ANAPC2: variants seen among roughly 807,000 people sequenced by gnomAD.
The protein encoded by ANAPC2 is anaphase-promoting complex subunit 2.
A neutral mutation model predicts 84.3 loss-of-function variants in ANAPC2; 29 were observed. That is an observed-to-expected ratio of 0.34 (90% confidence interval 0.26 to 0.47). ANAPC2 has a LOEUF of 0.47. ANAPC2 is among the 20% of genes least tolerant of loss of function. The probability of loss-of-function intolerance (pLI) is 1.00; values close to 1 mark genes in which losing one functional copy is unlikely to be tolerated. For synonymous variants in ANAPC2, 571 were observed against 479.4 expected, an observed-to-expected ratio of 1.19 and a Z score of -2.50; for missense variants, 857 against 1,131.7, an observed-to-expected ratio of 0.76 and a Z score of 3.48.
chr9:137,188,316 G>A, intron 1 of ANAPC2, 100 bp downstream of exon 1: 1 of 1,378,118 alleles, frequency 7.3e-7, no homozygotes, highest in African/African-American at 1.4e-5. Context: ...GACAGAGGCG[G>A]ATGATGGACA....
rs553077847 is a variant in ANAPC2, at chr9:137,183,115, C to T, written c.1286+10G>A. 93 of 1,606,904 alleles carry T rather than the reference C, an allele frequency of 5.8e-5. No homozygotes were observed. In the South Asian group the frequency reaches 1.0e-3, roughly 17 times the overall value. On this transcript the variant is annotated intron_variant, in intron 6 of 12. Transcript: ENST00000323927. ...GTCCCAGTGGCTCCTGGGCCAGCTG[C>T]AGCCCTCACCTCAGGTAGCGGCGGA...
intron 2 of ANAPC2, chr9:137,186,825 AG>A (rs1307512940): frequency 6.0e-6 from 1 of 167,458 alleles, no homozygotes; most frequent in Non-Finnish European, 1.3e-5. Flanking sequence ...TAACTTTTGC[AG>A]GGATGAGCCC....
At chr9:137,184,879 G>A (rs752486978) in intron 4 of ANAPC2, 34 bp downstream of exon 4, 39 of 1,605,012 alleles carry the variant, frequency 2.4e-5, no homozygotes, top group Middle Eastern at 1.7e-4. Context: ...CTCCCCAGAC[G>A]GGAGAGCGGA....
At chr9:137,187,324 C>T (rs984118220) in intron 2 of ANAPC2, 157 bp downstream of exon 2, 13 of 935,058 alleles carry the variant, frequency 1.4e-5, no homozygotes, top group African/African-American at 1.0e-4. Context: ...ACACCTGTGT[C>T]CAGGACACGC....
At chr9:137,183,877 G>A in intron 4 of ANAPC2, 86 bp from the exon 5 acceptor site, 2 of 1,549,700 alleles carry the variant, frequency 1.3e-6, no homozygotes, top group Admixed American at 1.8e-5. Flanking sequence ...GTGTGGGAAA[G>A]GACACGTGCT....
In ANAPC2 at chr9:137,188,158, G is replaced by A. The variant is rs190834278; in HGVS notation, c.118-55C>T. The A allele has an allele frequency of 1.2e-5, 19 of 1,566,586 alleles. 1 individual carries two copies. The highest frequency in any genetic ancestry group is 3.6e-4 in the Middle Eastern group (2 of 5,576). On this transcript the variant is annotated intron_variant, in intron 1 of 12. Coordinates refer to ENST00000323927, the MANE Select transcript of ANAPC2 (RefSeq NM_013366.4). Reference sequence around the variant, plus strand: ...GAACACAACATAGAGGTGGGGAGAGGCGGGGAAGGGAAGAAGCTGAGGGGG... The same window carrying A: ...GAACACAACATAGAGGTGGGGAGAGACGGGGAAGGGAAGAAGCTGAGGGGG...
chr9:137,186,316 C>A lies in ANAPC2; in HGVS notation c.781G>T (p.Val261Leu). Residue 261 changes from valine to leucine, a missense_variant, in exon 3 of 13, where the codon GTG becomes TTG. By Grantham distance (32) the Val-to-Leu change is conservative (BLOSUM62 1). Around this residue, in one of 3 missense-constraint regions of ANAPC2, gnomAD observed 428 missense variants for 513.8 expected, o/e 0.83. Coordinates refer to ENST00000323927, the MANE Select transcript of ANAPC2 (RefSeq NM_013366.4). ...SLLERVSAEAVTTTLHQVTRE... is the reference protein window; with the variant it reads ...SLLERVSAEALTTTLHQVTRE... ...GTCACCTGGTGCAGGGTGGTGGTCA[C>A]AGCCTCGGCACTGACCCGCTCCAGC... 1 of 1,611,186 alleles carries A rather than the reference C, an allele frequency of 6.2e-7. No individual in the cohort carries two copies. Among genetic ancestry groups the A allele is most frequent in the Non-Finnish European group, 8.5e-7 (1 of 1,179,604 alleles).
At chr9:137,183,616 G>A in intron 5 of ANAPC2, 56 bp downstream of exon 5, 1 of 1,572,554 alleles carries the variant, frequency 6.4e-7, no homozygotes, top group East Asian at 2.3e-5. Flanking sequence ...CTGGACATGG[G>A]TCCCCTGGTG....
intron 4 of ANAPC2, 125 bp downstream of exon 4, chr9:137,184,788 G>T: frequency 1.6e-6 from 2 of 1,258,412 alleles, no homozygotes; most frequent in Admixed American, 2.8e-5. Context: ...AGCCCCAGAC[G>T]CAGACACAGA....
At chr9:137,184,778 A>T in intron 4 of ANAPC2, 135 bp downstream of exon 4, 1 of 1,149,948 alleles carries the variant, frequency 8.7e-7, no homozygotes, top group East Asian at 2.7e-5. Context: ...AGGCCCTGGG[A>T]GCCCCAGACG....
intron 10 of ANAPC2, 29 bp from the exon 11 acceptor site, chr9:137,175,866 G>C (rs776106739): frequency 5.4e-5 from 86 of 1,579,442 alleles, no homozygotes; most frequent in Non-Finnish European, 6.4e-5. Flanking sequence ...AGCACGGGCA[G>C]CTCGGCTGCA....
chr9:137,180,151 A>T, intron 10 of ANAPC2, 30 bp downstream of exon 10: 5 of 1,605,224 alleles, frequency 3.1e-6, no homozygotes, highest in Non-Finnish European at 4.3e-6. Context: ...GGGTGCCAAG[A>T]GCCCATGGGG....
At chr9:137,185,161 C>A in intron 3 of ANAPC2, 74 bp from the exon 4 acceptor site, 3 of 1,410,136 alleles carry the variant, frequency 2.1e-6, no homozygotes, top group South Asian at 1.6e-5. Context: ...CTGGGAGGAG[C>A]CTCACGGCCA....
rs755587372 is a variant in ANAPC2, at chr9:137,175,316, T to C, written c.2177A>G (p.Asn726Ser). ...IEEERPQDRDNMVLIDSDDES... is the reference protein window; with the variant it reads ...IEEERPQDRDSMVLIDSDDES... The stretch of plus-strand genomic sequence containing the variant: ...GTCGTCACTGTCAATGAGCACCATG[T>C]TGTCCCGGTCCTGAGGCCGCTCCTC... The change falls in exon 12 of 13, where the codon AAC becomes AGC. Residue 726 changes from asparagine to serine, a missense_variant. By Grantham distance (46) the Asn-to-Ser change is conservative. This residue lies in a region of ANAPC2 where 425 missense variants were observed against 595.5 expected (regional missense o/e 0.71). Coordinates refer to ENST00000323927, the MANE Select transcript of ANAPC2 (RefSeq NM_013366.4). 2.5e-6 allele frequency: 4 copies of C among 1,612,576 alleles called. No homozygotes were observed. The highest frequency in any genetic ancestry group is 2.7e-5 in the African/African-American group (2 of 74,948).
intron 1 of ANAPC2, 76 bp downstream of exon 1, chr9:137,188,340 C>G: frequency 4.0e-6 from 6 of 1,486,104 alleles, no homozygotes; most frequent in Non-Finnish European, 5.5e-6. Flanking sequence ...CCGTATGAAC[C>G]CGAGGGTAGC....
Position 137,175,556 on chromosome 9 carries a change from G to A in ANAPC2, c.2021-84C>T, listed in dbSNP as rs1834190455. ...CTCCCGTCAGCCGAGAGGTCGGGGG[G>A]CTCCCGGGCCACCCTGCCTTGCCCG... On this transcript the variant is annotated intron_variant, in intron 11 of 12. Coordinates refer to ENST00000323927, the MANE Select transcript of ANAPC2 (RefSeq NM_013366.4). 8.8e-6 allele frequency: 13 copies of A among 1,479,636 alleles called. No homozygotes were observed. In the South Asian group the frequency reaches 1.6e-4, roughly 18 times the overall value. 91.7% of individuals were successfully genotyped at this position (1,479,636 alleles called of 1,614,324 possible).
At chr9:137,180,696 G>C in intron 8 of ANAPC2, 92 bp downstream of exon 8, 3 of 1,572,140 alleles carry the variant, frequency 1.9e-6, no homozygotes, top group Non-Finnish European at 2.6e-6. Flanking sequence ...GCTCCAACCA[G>C]GCCCCAGGCA....
chr9:137,180,425 C>CG lies in ANAPC2; in HGVS notation c.1686+26dup, dbSNP rs768232660. ...TGTCACGGGGGACCTGCGGGGCGGCCGGGCAGCGGGCGGGGCTGGGACCCA... is the reference window on the plus strand; with the variant it reads ...TGTCACGGGGGACCTGCGGGGCGGCCGGGGCAGCGGGCGGGGCTGGGACCCA... On this transcript the variant is annotated intron_variant, in intron 9 of 12. Coordinates refer to ENST00000323927, the MANE Select transcript of ANAPC2 (RefSeq NM_013366.4). The CG allele has an allele frequency of 4.3e-6, 7 of 1,612,588 alleles. No individual in the cohort carries two copies. The South Asian group carries it at 7.7e-5, about 18-fold the overall frequency.
At chr9:137,184,718 AAGACGCAGACACAGGGAGCCC>A (rs1834423441) in intron 4 of ANAPC2, among the ~76,000 whole-genome samples, 174 bp downstream of exon 4, 1 of 118,646 alleles carries the variant, frequency 8.4e-6, no homozygotes, top group East Asian at 2.7e-4. Flanking sequence ...CAGGGAGCCC[AAGACGCAGACACAGGGAGCCC>A]AGACGCAGAC....
Sources: allele counts gnomAD v4.1 joint callset (sites outside exome capture counted in the v4.1 genomes callset), GRCh38; gene constraint gnomAD v4.1.1; regional missense constraint gnomAD v4.1.1; transcripts MANE v1.5; gene names NCBI Gene and HGNC (gene_info 2026-07-23, HGNC 2026-07-21).